ACVR1B: variants seen among roughly 807,000 people sequenced by gnomAD.
ACVR1B encodes activin receptor type-1B.
In ACVR1B, 15 loss-of-function variants were observed where a neutral mutation model predicts 55.6. The ratio of observed to expected loss-of-function variants is 0.27; its 90% CI spans 0.18 to 0.42. The LOEUF is 0.42. Ranked by LOEUF, ACVR1B falls within the 10% of genes least tolerant of loss-of-function variation. The pLI, the probability that ACVR1B is intolerant of heterozygous loss-of-function variation, is 1.00. For synonymous variants in ACVR1B, 247 were observed against 254.6 expected, an observed-to-expected ratio of 0.97 and a Z score of 0.28; for missense variants, 359 against 670.1, an observed-to-expected ratio of 0.54 and a Z score of 5.13.
chr12:51,993,433 TG>T (rs1376613426), intron 8 of ACVR1B, among the ~76,000 whole-genome samples: 2 of 152,160 alleles, frequency 1.3e-5, no homozygotes, highest in African/African-American at 4.8e-5. Context: ...GGCCGTTAGC[TG>T]CAGCGTTTGC....
intron 4 of ACVR1B, chr12:51,982,929 T>C (rs2120681795): frequency 9.9e-7 from 1 of 1,006,786 alleles, no homozygotes; most frequent in Non-Finnish European, 1.3e-6. Context: ...ACTTTGGGGC[T>C]GGTTAGAGTG....
At position 51,996,707 on chromosome 12, in the gene ACVR1B, C is replaced by T. The variant is rs1262106549; in HGVS notation, c.*2597C>T. ...CACCTCTGGGGAAGATGGAGCAGGT[C>T]TTTGGGAAGCTCCCACACCCACCTC... On this transcript the variant is annotated 3_prime_UTR_variant, in exon 9 of 9. Coordinates refer to ENST00000257963, the MANE Select transcript of ACVR1B (RefSeq NM_004302.5). The T allele has an allele frequency of 6.6e-6, 1 of 152,534 alleles. No homozygotes were observed. The highest frequency in any genetic ancestry group is 1.5e-5 in the Non-Finnish European group (1 of 68,076). The allele number at this position is 152,534 out of a possible 1,614,324, so 9.4% of individuals were successfully genotyped here. A position where few individuals can be genotyped will look rare whatever the true frequency, so the allele number is the denominator to read the frequency against.
intron 1 of ACVR1B, among the ~76,000 whole-genome samples, chr12:51,963,578 CATGTAATATA>C (rs1941581225): frequency 1.3e-5 from 2 of 152,174 alleles, no homozygotes; most frequent in African/African-American, 4.8e-5. Flanking sequence ...TGGCTTCTTT[CATGTAATATA>C]ATGTTTTTGA....
At chr12:51,965,571 G>T (rs1230906739) in intron 1 of ACVR1B, among the ~76,000 whole-genome samples, 1 of 152,100 alleles carries the variant, frequency 6.6e-6, no homozygotes, top group Non-Finnish European at 1.5e-5. Flanking sequence ...GGGAGGATGC[G>T]GCTGCATCAA....
At chr12:51,992,341 C>T in intron 8 of ACVR1B, 1 of 361,430 alleles carries the variant, frequency 2.8e-6, no homozygotes. Context: ...CCCATCTCTA[C>T]AAGAAATAAA....
intron 1 of ACVR1B, among the ~76,000 whole-genome samples, chr12:51,965,853 A>G (rs1941629699): frequency 6.6e-6 from 1 of 152,220 alleles, no homozygotes; most frequent in African/African-American, 2.4e-5. Context: ...ACTTAAGGAA[A>G]TACACTGAAT....
chr12:51,990,902 A>G (rs1942178717), intron 7 of ACVR1B, among the ~76,000 whole-genome samples: 1 of 152,194 alleles, frequency 6.6e-6, no homozygotes, highest in Non-Finnish European at 1.5e-5. Flanking sequence ...ATGAATTGGT[A>G]GTTAGATCTG....
chr12:51,958,266 C>A (rs530135218), intron 1 of ACVR1B, among the ~76,000 whole-genome samples: 1 of 152,278 alleles, frequency 6.6e-6, no homozygotes, highest in Admixed American at 6.5e-5. Flanking sequence ...GAGTACCTAC[C>A]ATGGTGATCT....
At chr12:51,963,221 T>C (rs1190532073) in intron 1 of ACVR1B, among the ~76,000 whole-genome samples, 1 of 151,974 alleles carries the variant, frequency 6.6e-6, no homozygotes, top group Non-Finnish European at 1.5e-5. Context: ...TTTTTTAATT[T>C]TAATTTTATT....
intron 1 of ACVR1B, among the ~76,000 whole-genome samples, chr12:51,969,298 C>T (rs756106567): frequency 1.8e-4 from 28 of 152,086 alleles, no homozygotes; most frequent in Non-Finnish European, 3.7e-4. Flanking sequence ...TTAATGTTGT[C>T]GTCGTAAATG....
At chr12:51,978,545 C>T (rs1941912021) in intron 3 of ACVR1B, among the ~76,000 whole-genome samples, 2 of 152,070 alleles carry the variant, frequency 1.3e-5, no homozygotes, top group African/African-American at 4.8e-5. Context: ...AAGAGCCTGA[C>T]CCGGCCAGGC....
intron 1 of ACVR1B, among the ~76,000 whole-genome samples, chr12:51,967,313 C>T (rs1941661627): frequency 6.6e-6 from 1 of 151,998 alleles, no homozygotes. Flanking sequence ...AATCCCAGCA[C>T]TTTGGGAGGC....
chr12:51,971,091 C>T (rs1030236236), intron 1 of ACVR1B, among the ~76,000 whole-genome samples: 2 of 152,042 alleles, frequency 1.3e-5, no homozygotes, highest in African/African-American at 4.8e-5. Context: ...TTTGAGAATT[C>T]TTAGCTGGGC....
chr12:51,993,398 G>C (rs1431969885), intron 8 of ACVR1B, among the ~76,000 whole-genome samples: 1 of 152,204 alleles, frequency 6.6e-6, no homozygotes, highest in Non-Finnish European at 1.5e-5. Flanking sequence ...GTTTGCTTCA[G>C]AGGGCAGGTG....
Position 51,994,512 on chromosome 12 carries a change from C to A in ACVR1B, c.*402C>A. 1 of 190,156 alleles carries A rather than the reference C, an allele frequency of 5.3e-6. No homozygotes were observed. The allele number at this position is 190,156 out of a possible 1,614,324, so 11.8% of individuals were successfully genotyped here. A position where few individuals can be genotyped will look rare whatever the true frequency, so the allele number is the denominator to read the frequency against. On this transcript the variant is annotated 3_prime_UTR_variant, in exon 9 of 9. Transcript: ENST00000257963. This position sits in a 1 kb window ranked among gnomAD's most constrained non-coding sequence, Gnocchi z 4.2. ...TGAGGGTTTCCTTCGGGGACCAGCC[C>A]ACAGCACACCAAGGTGGCCCGGAAG...
intron 1 of ACVR1B, among the ~76,000 whole-genome samples, chr12:51,953,116 C>T (rs1355561591): frequency 6.6e-6 from 1 of 152,050 alleles, no homozygotes. Context: ...GGATTGTATT[C>T]GCTCCTGACG....
chr12:51,964,730 C>A (rs953321014), intron 1 of ACVR1B, among the ~76,000 whole-genome samples: 2 of 152,172 alleles, frequency 1.3e-5, no homozygotes, highest in African/African-American at 4.8e-5. Context: ...TTTCCTCCCC[C>A]CTGTATGTTC....
At chr12:51,955,667 C>T (rs1026707692) in intron 1 of ACVR1B, among the ~76,000 whole-genome samples, 2 of 152,144 alleles carry the variant, frequency 1.3e-5, no homozygotes, top group Non-Finnish European at 2.9e-5. Context: ...TCTGGGATCT[C>T]GCCTGTTTGT....
intron 1 of ACVR1B, among the ~76,000 whole-genome samples, chr12:51,953,196 G>C (rs1248501170): frequency 6.6e-6 from 1 of 152,110 alleles, no homozygotes; most frequent in African/African-American, 2.4e-5. Context: ...AGTGTGTTCT[G>C]TGGCTCTCTT....
Sources: gnomAD v4.1 joint callset for allele counts (sites outside exome capture counted in the v4.1 genomes callset) on GRCh38, gnomAD v4.1.1 for gene constraint, Gnocchi (gnomAD v3.1) non-coding constraint, MANE v1.5 for transcripts, NCBI Gene and HGNC (gene_info 2026-07-23, HGNC 2026-07-21) for gene names.